Variants in NTM observed in about 807,000 individuals in gnomAD.
NTM encodes neurotrimin, also known as IgLON family member 2.
In NTM, 13 loss-of-function variants were observed where a neutral mutation model predicts 42.1. The observed-to-expected ratio is 0.31, with a 90% CI of 0.20 to 0.49. The LOEUF (loss-of-function observed/expected upper bound fraction) is 0.49, where lower values mean the gene tolerates loss of function less well. NTM is among the 20% of genes least tolerant of loss of function. The probability of loss-of-function intolerance (pLI) is 0.99; values close to 1 mark genes in which losing one functional copy is unlikely to be tolerated. For missense variants in NTM, 373 were observed against 452.8 expected, an observed-to-expected ratio of 0.82 and a Z score of 1.60; for synonymous variants, 187 against 179.2, an observed-to-expected ratio of 1.04 and a Z score of -0.35.
intron 1 of NTM, among the ~76,000 whole-genome samples, chr11:131,807,656 T>A (rs188799448): frequency 6.6e-6 from 1 of 152,154 alleles, no homozygotes; most frequent in South Asian, 2.1e-4. Flanking sequence ...ATGGTGGTTG[T>A]TGAAACAAAG....
chr11:131,440,967 A>G (rs1248816033), intron 1 of NTM, among the ~76,000 whole-genome samples: 1 of 150,298 alleles, frequency 6.7e-6, no homozygotes, highest in Non-Finnish European at 1.5e-5. Context: ...GTTACCATTC[A>G]TTCATCTGCT....
intron 1 of NTM, among the ~76,000 whole-genome samples, chr11:131,483,615 G>C (rs1264170254): frequency 6.6e-6 from 1 of 152,228 alleles, no homozygotes; most frequent in Non-Finnish European, 1.5e-5. Context: ...CCCTTGCCAG[G>C]CTCATCTGGA....
At chr11:131,987,042 A>C (rs1337499462) in intron 2 of NTM, among the ~76,000 whole-genome samples, 1 of 152,128 alleles carries the variant, frequency 6.6e-6, no homozygotes, top group East Asian at 1.9e-4. Flanking sequence ...TTCCAAGCAA[A>C]TTTTGCTTAC....
intron 2 of NTM, among the ~76,000 whole-genome samples, chr11:132,122,885 ACT>A (rs1421876229): frequency 6.6e-6 from 1 of 151,866 alleles, no homozygotes; most frequent in Non-Finnish European, 1.5e-5. Flanking sequence ...TCTCACACAC[ACT>A]CACACACACT....
At chr11:131,388,752 C>T (rs1234531387) in intron 1 of NTM, among the ~76,000 whole-genome samples, 2 of 151,684 alleles carry the variant, frequency 1.3e-5, no homozygotes, top group Non-Finnish European at 2.9e-5. Flanking sequence ...TGGCTCCTGC[C>T]TGTAATCCCA....
intron 7 of NTM, among the ~76,000 whole-genome samples, chr11:132,316,987 T>TATC (rs1193154640): frequency 1.3e-5 from 2 of 152,172 alleles, no homozygotes; most frequent in Non-Finnish European, 2.9e-5. Flanking sequence ...GCAGCAAAAT[T>TATC]ATCATCATTT....
intron 2 of NTM, among the ~76,000 whole-genome samples, chr11:132,125,969 G>A (rs957357548): frequency 2.0e-5 from 3 of 151,850 alleles, no homozygotes; most frequent in Admixed American, 6.6e-5. Context: ...CCAGGCAAGG[G>A]GGATGAGTGG....
At chr11:131,431,524 C>T (rs987907336) in intron 1 of NTM, among the ~76,000 whole-genome samples, 3 of 152,178 alleles carry the variant, frequency 2.0e-5, no homozygotes, top group African/African-American at 7.2e-5. Context: ...AAGAGAGTAG[C>T]CCAGGCCAGT....
intron 1 of NTM, among the ~76,000 whole-genome samples, chr11:131,883,183 A>G (rs2049826473): frequency 6.6e-6 from 1 of 152,226 alleles, no homozygotes. Context: ...AGACTTACAC[A>G]TCAGGACATA....
chr11:131,667,136 C>T (rs1332050252), intron 1 of NTM, among the ~76,000 whole-genome samples: 2 of 152,158 alleles, frequency 1.3e-5, no homozygotes, highest in Non-Finnish European at 2.9e-5. Flanking sequence ...CCTCTGTGCC[C>T]TACCTGGGAT....
intron 1 of NTM, among the ~76,000 whole-genome samples, chr11:131,551,572 A>C (rs529042594): frequency 6.6e-6 from 1 of 152,348 alleles, no homozygotes; most frequent in African/African-American, 2.4e-5. Context: ...TTTCAGACAC[A>C]TGAAATCATG....
At chr11:131,852,757 A>G (rs2045695170) in intron 1 of NTM, among the ~76,000 whole-genome samples, 1 of 152,084 alleles carries the variant, frequency 6.6e-6, no homozygotes, top group Admixed American at 6.6e-5. Flanking sequence ...TCACTCATCC[A>G]TCCAACTATT....
chr11:131,575,725 A>G (rs1415067821), intron 1 of NTM, among the ~76,000 whole-genome samples: 1 of 152,180 alleles, frequency 6.6e-6, no homozygotes, highest in Non-Finnish European at 1.5e-5. Context: ...AATAAAAATA[A>G]TGGCTTATCC....
intron 4 of NTM, among the ~76,000 whole-genome samples, chr11:132,282,124 T>A (rs2139848901): frequency 6.6e-6 from 1 of 152,318 alleles, no homozygotes; most frequent in East Asian, 1.9e-4. Flanking sequence ...AAGTAGCTAT[T>A]GACATCTGCT....
intron 2 of NTM, among the ~76,000 whole-genome samples, chr11:131,972,228 T>A (rs561879857): frequency 1.2e-3 from 182 of 151,756 alleles, no homozygotes; most frequent in African/African-American, 4.3e-3. Context: ...AATACATAAA[T>A]ACATACATAC....
chr11:132,057,269 A>G lies in NTM; in HGVS notation c.168-89013A>G, dbSNP rs902413556. 8.3e-5 allele frequency among the ~76,000 whole-genome samples: 12 copies of G among 145,072 alleles called. No individual in the cohort carries two copies. The East Asian group carries it at 9.9e-4, about 12-fold the overall frequency. On this transcript the variant is annotated intron_variant, in intron 2 of 8. Transcript: ENST00000683400. ...AGATTAAGTCTAAAATATACGGTGT[A>G]TTTTGGATTTTTTTTTTTTAGGTTT...
At chr11:131,904,928 C>T (rs574525774) in intron 1 of NTM, among the ~76,000 whole-genome samples, 1 of 152,268 alleles carries the variant, frequency 6.6e-6, no homozygotes, top group Admixed American at 6.5e-5. Context: ...CTCAGCATGA[C>T]GTTCCTGCTC....
intron 4 of NTM, among the ~76,000 whole-genome samples, chr11:132,287,373 G>A (rs1050105440): frequency 8.5e-5 from 13 of 152,130 alleles, no homozygotes; most frequent in Non-Finnish European, 1.6e-4. Context: ...TTCTGTCTGC[G>A]TACGTTTCCT....
intron 1 of NTM, among the ~76,000 whole-genome samples, chr11:131,471,835 G>A (rs1952470563): frequency 6.6e-6 from 1 of 152,212 alleles, no homozygotes; most frequent in Admixed American, 6.5e-5. Flanking sequence ...CCGATCACCA[G>A]CTGCTTGTCT....
Sources: gnomAD v4.1 joint callset for allele counts (sites outside exome capture counted in the v4.1 genomes callset) on GRCh38, gnomAD v4.1.1 for gene constraint, MANE v1.5 for transcripts, NCBI Gene and HGNC (gene_info 2026-07-23, HGNC 2026-07-21) for gene names.